The following WDR26 variants were observed in gnomAD, a reference collection of about 807,000 sequenced individuals.
WDR26 encodes the protein WD repeat domain 26.
Under a neutral mutation model 84.1 loss-of-function variants are expected in WDR26, and 5 were observed. That is an observed-to-expected ratio of 0.06 (90% CI 0.03 to 0.13). WDR26 has a LOEUF of 0.13. Ranked by LOEUF, WDR26 falls within the 10% of genes least tolerant of loss-of-function variation. The pLI, the probability that WDR26 is intolerant of heterozygous loss-of-function variation, is 1.00. For synonymous variants in WDR26, 415 were observed against 389.6 expected, an observed-to-expected ratio of 1.07 and a Z score of -0.77; for missense variants, 642 against 974.9, an observed-to-expected ratio of 0.66 and a Z score of 4.55.
chr1:224,393,289 T>C (rs1469585221), intron 13 of WDR26, among the ~76,000 whole-genome samples: 1 of 152,208 alleles, frequency 6.6e-6, no homozygotes, highest in Non-Finnish European at 1.5e-5. Context: ...ACAGTATATG[T>C]AAAGGGATTA....
rs1276839072 is a variant in WDR26 at position 224,434,220 on chromosome 1, G to C, written c.186C>G (p.Ser62=). Residue 62 remains serine, a synonymous_variant, in exon 1 of 14, where the codon TCC becomes TCG. Transcript: ENST00000414423. ...CTACCACCACGGAGGAGGAGGAGGA[G>C]GAGGAGGACGAGGACGACGAGGACG... 2.1e-6 allele frequency: 3 copies of C among 1,397,014 alleles called. No individual in the cohort carries two copies. Among genetic ancestry groups the C allele is most frequent in the Admixed American group, 3.0e-5 (1 of 33,188 alleles). 86.5% of individuals were successfully genotyped at this position (1,397,014 alleles called of 1,614,324 possible).
chr1:224,398,839 T>G (rs772114269), intron 10 of WDR26, 50 bp downstream of exon 10: 32 of 1,604,372 alleles, frequency 2.0e-5, no homozygotes, highest in Non-Finnish European at 2.6e-5. Flanking sequence ...CACTACACAT[T>G]TGAATATAAA....
intron 6 of WDR26, among the ~76,000 whole-genome samples, chr1:224,415,061 TG>T (rs1217013154): frequency 6.6e-6 from 1 of 152,212 alleles, no homozygotes; most frequent in Non-Finnish European, 1.5e-5. Flanking sequence ...GTTCTATTTT[TG>T]CAGTTTAGCA....
chr1:224,399,099 CA>C (rs1673338030), intron 9 of WDR26, 65 bp from the exon 10 acceptor site: 1 of 1,383,792 alleles, frequency 7.2e-7, no homozygotes, highest in Non-Finnish European at 9.5e-7. Context: ...AATAAAGAAC[CA>C]AAAGACTCCC....
rs1291058192 is a variant in WDR26, at chr1:224,407,529, G to A, written c.1459-2959C>T. 2.1e-5 allele frequency among the ~76,000 whole-genome samples: 3 copies of A among 142,596 alleles called. No individual in the cohort carries two copies. In the Admixed American group the frequency reaches 2.1e-4, roughly 10 times the overall value. The allele number at this position is 142,596 out of a possible 152,430, so 93.5% of individuals were successfully genotyped here. ...TATATAAATTTTTTTTTTTTTTTGA[G>A]ATGGAGTCTTGCTCTGTCGCCTAGG... On this transcript the variant is annotated intron_variant, in intron 7 of 13. Transcript: ENST00000414423.
At chr1:224,420,856 C>T (rs942205568) in intron 4 of WDR26, among the ~76,000 whole-genome samples, 6 of 152,070 alleles carry the variant, frequency 3.9e-5, no homozygotes, top group Admixed American at 3.9e-4. Flanking sequence ...CCTCGGCCTC[C>T]CAAAGTGCTG....
At chr1:224,420,898 AG>A (rs1674042278) in intron 4 of WDR26, among the ~76,000 whole-genome samples, 1 of 152,172 alleles carries the variant, frequency 6.6e-6, no homozygotes, top group African/African-American at 2.4e-5. Context: ...GTGCCCAGCC[AG>A]AAGTTGGCCA....
At chr1:224,392,015 A>C (rs1217817326) in intron 13 of WDR26, among the ~76,000 whole-genome samples, 1 of 152,218 alleles carries the variant, frequency 6.6e-6, no homozygotes, top group African/African-American at 2.4e-5. Context: ...TACATTAGTC[A>C]GATTCACCAA....
rs1189167789 is a variant in WDR26, at chr1:224,424,673, G to A, written c.928-19C>T. The stretch of plus-strand genomic sequence containing the variant: ...TCATCCTCTGACATGACAGAAAGCA[G>A]CAGTCAGGGGAAAAAAGTTGATGGA... On this transcript the variant is annotated intron_variant, in intron 3 of 13. Transcript: ENST00000414423. 1 of 1,613,880 alleles carries A rather than the reference G, an allele frequency of 6.2e-7. No homozygotes were observed. The highest frequency in any genetic ancestry group is 8.5e-7 in the Non-Finnish European group (1 of 1,180,014).
intron 13 of WDR26, 46 bp from the exon 14 acceptor site, chr1:224,389,906 G>GGC: frequency 8.5e-6 from 4 of 470,730 alleles, no homozygotes; most frequent in Non-Finnish European, 7.9e-6. Context: ...GCGGGGGAGG[G>GGC]AAGAGGGGAA....
At chr1:224,426,735 T>C (rs781412639) in intron 3 of WDR26, among the ~76,000 whole-genome samples, 9 of 152,040 alleles carry the variant, frequency 5.9e-5, no homozygotes, top group Non-Finnish European at 1.2e-4. Flanking sequence ...CGCACCATTT[T>C]AGCTTCTGAA....
chr1:224,407,145 A>ATATATAT (rs1553355680), intron 7 of WDR26, among the ~76,000 whole-genome samples: 2 of 23,654 alleles, frequency 8.5e-5, no homozygotes. Context: ...AAAAAAAAAA[A>ATATATAT]AAAAAAATAT....
chr1:224,408,007 A>G (rs1367259035), intron 7 of WDR26, among the ~76,000 whole-genome samples: 1 of 152,200 alleles, frequency 6.6e-6, no homozygotes, highest in Non-Finnish European at 1.5e-5. Flanking sequence ...TCTGGCAACA[A>G]AAGCCCTTTA....
Position 224,434,742 on chromosome 1 carries a change from G to T in WDR26, c.-337C>A, listed in dbSNP as rs1674562716. 2 of 987,226 alleles carry T rather than the reference G, an allele frequency of 2.0e-6. No homozygotes were observed. Among genetic ancestry groups the T allele is most frequent in the Middle Eastern group, 5.2e-4 (1 of 1,912 alleles). 61.2% of individuals were successfully genotyped at this position (987,226 alleles called of 1,614,324 possible). On this transcript the variant is annotated 5_prime_UTR_variant, in exon 1 of 14. Transcript: ENST00000414423. ...GAGGCAGCTGCCGCCTCTGTCCTCG[G>T]ATCCGCTCCGCTCTGCTCCCTGGTG...
chr1:224,427,754 T>C (rs1000635554), intron 3 of WDR26, among the ~76,000 whole-genome samples: 6 of 152,136 alleles, frequency 3.9e-5, no homozygotes, highest in African/African-American at 1.4e-4. Flanking sequence ...ACGATAAGGG[T>C]GGGGAGTAAA....
chr1:224,433,832 C>A lies in WDR26; in HGVS notation c.574G>T (p.Val192Phe), dbSNP rs1455017521. Reference sequence around the variant, plus strand: ...GCGGTGGTGGCGGAGGCAGCTGCGACGGTGGCTGAGGATGCGGCGGCCGCC... The same window carrying A: ...GCGGTGGTGGCGGAGGCAGCTGCGAAGGTGGCTGAGGATGCGGCGGCCGCC... The change falls in exon 1 of 14, where the codon GTC becomes TTC. Residue 192 changes from valine to phenylalanine, a missense_variant. By Grantham distance (50) the Val-to-Phe change is conservative. Transcript: ENST00000414423. 1.6e-5 allele frequency: 24 copies of A among 1,536,770 alleles called. No homozygotes were observed. Among genetic ancestry groups the A allele is most frequent in the Non-Finnish European group, 1.8e-5 (21 of 1,146,800 alleles).
chr1:224,397,286 C>T (rs146934373), intron 12 of WDR26, among the ~76,000 whole-genome samples: 7 of 151,952 alleles, frequency 4.6e-5, no homozygotes, highest in African/African-American at 1.4e-4. Flanking sequence ...CCATCATGCC[C>T]GGCCAAAAAA....
At chr1:224,401,889 T>C (rs1307411309) in intron 8 of WDR26, 2 of 152,122 alleles carry the variant, frequency 1.3e-5, no homozygotes, top group Admixed American at 6.6e-5. Flanking sequence ...ACCTGTGTAC[T>C]GTTTAACATA....
rs1156498420 is a variant in WDR26 at position 224,433,924 on chromosome 1, G to A, written c.482C>T (p.Pro161Leu). The A allele has an allele frequency of 1.2e-5, 19 of 1,536,374 alleles. 1 individual carries two copies. The East Asian group carries it at 3.2e-4, about 26-fold the overall frequency. Residue 161 changes from proline to leucine, a missense_variant, in exon 1 of 14, where the codon CCT becomes CTT. Transcript: ENST00000414423. Reference sequence around the variant, plus strand: ...GTTGCTGGCGGCGGAGGGGGCGGAAGGCAGGAGCCCATTGGCGTGGGCCAG... The same window carrying A: ...GTTGCTGGCGGCGGAGGGGGCGGAAAGCAGGAGCCCATTGGCGTGGGCCAG...
Sources: allele counts gnomAD v4.1 joint callset (sites outside exome capture counted in the v4.1 genomes callset), GRCh38; gene constraint gnomAD v4.1.1; transcripts MANE v1.5; gene names NCBI Gene and HGNC (gene_info 2026-07-23, HGNC 2026-07-21).